Variants in USP43 observed in about 807,000 individuals in gnomAD.
The protein encoded by USP43 is ubiquitin specific peptidase 43.
In USP43, 33 loss-of-function variants were observed where a neutral mutation model predicts 90.7. That is an observed-to-expected ratio of 0.36 (90% CI 0.28 to 0.49). The LOEUF (loss-of-function observed/expected upper bound fraction) is 0.49, where lower values mean the gene tolerates loss of function less well. Among genes scored for constraint, USP43 ranks in the 20% least tolerant of loss-of-function variants. USP43 has a pLI of 0.98. For missense variants in USP43, 1,274 were observed against 1,476.4 expected, an observed-to-expected ratio of 0.86 and a Z score of 2.25; for synonymous variants, 598 against 615.8, an observed-to-expected ratio of 0.97 and a Z score of 0.43.
chr17:9,702,789 CA>C (rs1342365032), intron 12 of USP43, among the ~76,000 whole-genome samples: 3 of 152,236 alleles, frequency 2.0e-5, no homozygotes, highest in East Asian at 3.9e-4. Flanking sequence ...CTTAGGAGTC[CA>C]GGGGGTTTAG....
At chr17:9,694,815 G>A (rs1597861956) in intron 9 of USP43, among the ~76,000 whole-genome samples, 1 of 152,146 alleles carries the variant, frequency 6.6e-6, no homozygotes, top group South Asian at 2.1e-4. Context: ...GTATAGACAG[G>A]GTTTCATCAT....
intron 5 of USP43, among the ~76,000 whole-genome samples, chr17:9,678,899 G>A (rs982885216): frequency 6.6e-6 from 1 of 151,632 alleles, no homozygotes; most frequent in Non-Finnish European, 1.5e-5. Flanking sequence ...CATTCTTTTA[G>A]TGGTTACTAA....
Position 9,645,675 on chromosome 17 carries a change from G to A in USP43, c.43G>A (p.Ala15Thr). 7.8e-7 allele frequency: 1 copy of A among 1,276,288 alleles called. No homozygotes were observed. The allele number at this position is 1,276,288 out of a possible 1,614,324, so 79.1% of individuals were successfully genotyped here. Residue 15 changes from alanine (A) to threonine (T), a missense_variant, in exon 1 of 15, where the codon GCG becomes ACG. Ala to Thr is a moderately conservative substitution (Grantham distance 58, BLOSUM62 0). This residue lies in a region of USP43 where 112 missense variants were observed against 106.6 expected (regional missense o/e 1.05). Coordinates refer to ENST00000285199, the MANE Select transcript of USP43 (RefSeq NM_153210.5). The surrounding 1 kb of genome is among the most constrained non-coding windows in gnomAD (Gnocchi z 6.8). ...PGDAAGGGPL[A>T]PRPRRRRSLR... ...GGACGCGGCAGGAGGGGGACCGCTC[G>A]CGCCCCGGCCCCGCCGCCGCCGCTC... is the stretch of plus-strand genomic sequence containing the variant.
chr17:9,667,148 T>C (rs1252682228), intron 3 of USP43, among the ~76,000 whole-genome samples: 1 of 151,974 alleles, frequency 6.6e-6, no homozygotes, highest in Non-Finnish European at 1.5e-5. Flanking sequence ...TTATGGAGGA[T>C]ATAAAAATGT....
At chr17:9,651,143 G>C (rs1911831161) in intron 1 of USP43, among the ~76,000 whole-genome samples, 3 of 151,890 alleles carry the variant, frequency 2.0e-5, no homozygotes, top group Admixed American at 2.0e-4. Context: ...TTTACTAGTT[G>C]CAAGTCTCCT....
chr17:9,679,118 A>G (rs1396584957), intron 5 of USP43, among the ~76,000 whole-genome samples: 3 of 152,000 alleles, frequency 2.0e-5, no homozygotes, highest in African/African-American at 7.3e-5. Flanking sequence ...AATGTTTACC[A>G]TTTTCTTTGG....
At chr17:9,692,780 TAA>T (rs1915034548) in intron 8 of USP43, among the ~76,000 whole-genome samples, 1 of 152,216 alleles carries the variant, frequency 6.6e-6, no homozygotes, top group African/African-American at 2.4e-5. Context: ...TAAAGTAGGT[TAA>T]GTTACCTATT....
At chr17:9,715,124 A>T (rs901849548) in intron 14 of USP43, among the ~76,000 whole-genome samples, 5 of 152,206 alleles carry the variant, frequency 3.3e-5, no homozygotes, top group African/African-American at 1.2e-4. Context: ...CTACAGGGAG[A>T]TGTTGATGAC....
chr17:9,713,181 C>T (rs1222274959), intron 14 of USP43, among the ~76,000 whole-genome samples: 4 of 152,024 alleles, frequency 2.6e-5, no homozygotes, highest in East Asian at 3.9e-4. Context: ...CTCTGCCTCC[C>T]GGGTTCGAGC....
At chr17:9,704,711 C>G (rs891746589) in intron 12 of USP43, among the ~76,000 whole-genome samples, 2 of 152,098 alleles carry the variant, frequency 1.3e-5, no homozygotes, top group Non-Finnish European at 2.9e-5. Context: ...AGTACCGAGC[C>G]TCTGGGGCTG....
intron 2 of USP43, among the ~76,000 whole-genome samples, chr17:9,664,205 C>T (rs561650992): frequency 6.6e-6 from 1 of 152,142 alleles, no homozygotes. Context: ...AACACTCCTC[C>T]CCATCACCTA....
At position 9,729,102 on chromosome 17, in the gene USP43, A is replaced by C. The variant is rs1008555777; in HGVS notation, c.*112A>C. 7.8e-6 allele frequency: 9 copies of C among 1,151,482 alleles called. No homozygotes were observed. The highest frequency in any genetic ancestry group is 1.0e-5 in the Non-Finnish European group (9 of 873,168). 71.3% of individuals were successfully genotyped at this position (1,151,482 alleles called of 1,614,324 possible). A position where few individuals can be genotyped will look rare whatever the true frequency, so the allele number is the denominator to read the frequency against. On this transcript the variant is annotated 3_prime_UTR_variant, in exon 15 of 15. Transcript: ENST00000285199. ...GGAAACCCGTTGTCTTGTAATCTCTAAAAAAAAATTTTTTTTTTTTTGTGG... is the reference window on the plus strand; with the variant it reads ...GGAAACCCGTTGTCTTGTAATCTCTCAAAAAAAATTTTTTTTTTTTTGTGG...
chr17:9,711,171 A>C (rs915231426), intron 13 of USP43, among the ~76,000 whole-genome samples: 1 of 152,186 alleles, frequency 6.6e-6, no homozygotes, highest in African/African-American at 2.4e-5. Flanking sequence ...TGCCCACTGT[A>C]AAAGATTTGG....
intron 3 of USP43, 121 bp downstream of exon 3, chr17:9,666,872 C>T: frequency 1.4e-6 from 1 of 730,654 alleles, no homozygotes; most frequent in East Asian, 2.7e-5. Context: ...CACAAACACC[C>T]TTCTCTCTCC....
At chr17:9,659,268 TA>T (rs1912478476) in intron 2 of USP43, among the ~76,000 whole-genome samples, 1 of 152,242 alleles carries the variant, frequency 6.6e-6, no homozygotes, top group Admixed American at 6.5e-5. Context: ...TTGCACAATT[TA>T]TTTCTCTACC....
intron 1 of USP43, among the ~76,000 whole-genome samples, chr17:9,656,098 G>A (rs1912221928): frequency 6.6e-6 from 1 of 152,106 alleles, no homozygotes. Context: ...GGGTCAGATG[G>A]TCAACAGTAT....
chr17:9,679,810 C>T (rs1438993120), intron 5 of USP43, among the ~76,000 whole-genome samples: 1 of 152,106 alleles, frequency 6.6e-6, no homozygotes, highest in Non-Finnish European at 1.5e-5. Context: ...GTAGTCACCC[C>T]TCTACTCTGC....
intron 14 of USP43, among the ~76,000 whole-genome samples, chr17:9,724,120 A>G (rs78203282): frequency 0.04 from 6,110 of 151,922 alleles, 224 homozygotes; most frequent in East Asian, 0.21. Context: ...CCACCCTCTC[A>G]TGTATGGCAG....
At chr17:9,703,580 G>A (rs1232843993) in intron 12 of USP43, among the ~76,000 whole-genome samples, 2 of 152,226 alleles carry the variant, frequency 1.3e-5, no homozygotes, top group East Asian at 3.9e-4. Context: ...CCAGGAAAGA[G>A]CCTGTTTAAT....
Sources: gnomAD v4.1 joint callset for allele counts (sites outside exome capture counted in the v4.1 genomes callset) on GRCh38, gnomAD v4.1.1 for gene constraint, gnomAD v4.1.1 regional missense constraint, Gnocchi (gnomAD v3.1) non-coding constraint, MANE v1.5 for transcripts, NCBI Gene and HGNC (gene_info 2026-07-23, HGNC 2026-07-21) for gene names.